CELF1: variants seen among roughly 807,000 people sequenced by gnomAD.
CELF1 encodes 50 kDa nuclear polyadenylated RNA-binding protein.
CELF1 carries 10 observed loss-of-function variants against 61.8 expected under a neutral mutation model. The observed-to-expected ratio is 0.16, with a 90% CI of 0.10 to 0.27. The LOEUF is 0.27. Among genes scored for constraint, CELF1 ranks in the 10% least tolerant of loss-of-function variants. CELF1 has a pLI of 1.00. For synonymous variants in CELF1, 236 were observed against 225.1 expected (o/e 1.05, Z -0.43); for missense variants, 380 against 639.1 (o/e 0.59, Z 4.37).
chr11:47,531,076 G>A (rs1288845655), intron 1 of CELF1, among the ~76,000 whole-genome samples: 4 of 151,764 alleles, frequency 2.6e-5, no homozygotes, highest in East Asian at 1.9e-4. Flanking sequence ...GCGAAACCCC[G>A]TCTCTACTAA....
At chr11:47,484,331 C>A (rs565062846) in intron 7 of CELF1, 58 bp downstream of exon 7, 151 of 1,493,476 alleles carry the variant, frequency 1.0e-4, no homozygotes, top group South Asian at 3.8e-4. Flanking sequence ...AAAAAAAAAA[C>A]CCCAAACCAA....
chr11:47,555,221 T>TA (rs2097202400), upstream of CELF1, among the ~76,000 whole-genome samples: 2 of 152,216 alleles, frequency 1.3e-5, no homozygotes, highest in Non-Finnish European at 2.9e-5. Flanking sequence ...GCCCATGAGC[T>TA]AAATAAGGAA....
chr11:47,519,181 T>C (rs1597733544), intron 1 of CELF1, among the ~76,000 whole-genome samples: 1 of 152,130 alleles, frequency 6.6e-6, no homozygotes, highest in African/African-American at 2.4e-5. Flanking sequence ...TTCTATTCTA[T>C]TCTATTATCA....
chr11:47,531,075 C>A (rs953038577), intron 1 of CELF1, among the ~76,000 whole-genome samples: 1 of 151,428 alleles, frequency 6.6e-6, no homozygotes, highest in Non-Finnish European at 1.5e-5. Flanking sequence ...GGCGAAACCC[C>A]GTCTCTACTA....
chr11:47,552,148 A>T (rs533207746), intron 1 of CELF1, among the ~76,000 whole-genome samples: 14 of 152,330 alleles, frequency 9.2e-5, no homozygotes, highest in African/African-American at 3.4e-4. Flanking sequence ...TAATAAACCT[A>T]CAGCTCTCTC....
Position 47,484,556 on chromosome 11 carries a change from T to TA in CELF1, c.392-34dup, listed in dbSNP as rs755811219. On this transcript the variant is annotated intron_variant, in intron 6 of 14. Transcript: ENST00000687097. ...AGTAAAACAGAAAAGACTTGAATAT[T>TA]ACTACTTAAAGAGGCAATGTGGCAC... 5 of 1,589,036 alleles carry TA rather than the reference T, an allele frequency of 3.1e-6. No individual in the cohort carries two copies. In the African/African-American group the frequency reaches 6.8e-5, roughly 22 times the overall value.
rs2077244902 is a variant in CELF1 at position 47,469,575 on chromosome 11, TCA to T, written c.*2653_*2654del. The T allele has an allele frequency of 6.6e-6, 1 of 152,346 alleles. No homozygotes were observed. The highest frequency in any genetic ancestry group is 2.4e-5 in the African/African-American group (1 of 41,464). The allele number at this position is 152,346 out of a possible 1,614,324, so 9.4% of individuals were successfully genotyped here. A position where few individuals can be genotyped will look rare whatever the true frequency, so the allele number is the denominator to read the frequency against. On this transcript the variant is annotated 3_prime_UTR_variant, in exon 15 of 15. Transcript: ENST00000687097. ...TGAGACTTGTAGGGGAGCAGCTTCT[TCA>T]CAAAACCATCTTTGGCCTGGGGAAA...
At chr11:47,482,982 T>C (rs1308855287) in intron 8 of CELF1, 126 bp from the exon 9 acceptor site, 5 of 857,800 alleles carry the variant, frequency 5.8e-6, no homozygotes, top group East Asian at 2.7e-5. Context: ...CTCCTCATGA[T>C]AGACACAAGA....
At chr11:47,476,655 T>C (rs1265618722) in intron 12 of CELF1, among the ~76,000 whole-genome samples, 191 bp downstream of exon 12, 2 of 152,198 alleles carry the variant, frequency 1.3e-5, no homozygotes, top group African/African-American at 2.4e-5. Context: ...CTCGATCTCC[T>C]GACCTCGTGA....
At position 47,473,131 on chromosome 11, in the gene CELF1, G is replaced by A. The variant is rs137985976; in HGVS notation, c.1374C>T (p.Ala458=). ...MFMPFGNVVS[A]KVFIDKQTNL... ...TTGTCTGCTTGTCTATGAAAACCTT[G>A]GCAGACACGACATTCCCAAAGGGCA... is the stretch of plus-strand genomic sequence containing the variant. Residue 458 remains alanine, a synonymous_variant, in exon 14 of 15, where the codon GCC becomes GCT. Transcript: ENST00000687097. The A allele has an allele frequency of 3.1e-6, 5 of 1,613,964 alleles. No individual in the cohort carries two copies. In the African/African-American group the frequency reaches 6.7e-5, roughly 22 times the overall value.
Position 47,475,542 on chromosome 11 carries a change from G to A in CELF1, c.1088-21C>T, listed in dbSNP as rs567789492. The A allele has an allele frequency of 5.0e-6, 8 of 1,612,298 alleles. No individual in the cohort carries two copies. In the African/African-American group the frequency reaches 1.1e-4, roughly 21 times the overall value. ...CATTCCTTGGTTGGAGGAAGAGAAG[G>A]ATTAATATACTAGAAAGACTAAACT... On this transcript the variant is annotated intron_variant, in intron 12 of 14. Coordinates refer to ENST00000687097, the MANE Select transcript of CELF1 (RefSeq NM_001376376.1).
chr11:47,553,265 G>A, upstream of CELF1: 1 of 378,932 alleles, frequency 2.6e-6, no homozygotes, highest in African/African-American at 2.1e-5. Context: ...GCGTAGGGGC[G>A]GGCCGAGCGC....
chr11:47,484,789 C>T (rs955676866), intron 6 of CELF1, among the ~76,000 whole-genome samples: 1 of 152,248 alleles, frequency 6.6e-6, no homozygotes, highest in African/African-American at 2.4e-5. Flanking sequence ...AGTGATTCTC[C>T]TGCCTCAGCC....
chr11:47,534,777 T>C (rs1316827662), intron 1 of CELF1, among the ~76,000 whole-genome samples: 1 of 152,096 alleles, frequency 6.6e-6, no homozygotes, highest in Non-Finnish European at 1.5e-5. Context: ...ATAAGTTCAA[T>C]CTCCAAGTAT....
chr11:47,562,785 A>C (rs2097230561), intron 2 of CELF1, among the ~76,000 whole-genome samples: 1 of 151,770 alleles, frequency 6.6e-6, no homozygotes, highest in Non-Finnish European at 1.5e-5. Flanking sequence ...GCTTATCACA[A>C]ACTCCGCCTC....
chr11:47,553,910 TTTGTTG>T (rs746699280), upstream of CELF1, among the ~76,000 whole-genome samples: 24 of 151,734 alleles, frequency 1.6e-4, no homozygotes, highest in Admixed American at 6.6e-4. Context: ...AGCAGTACAA[TTTGTTG>T]TTGTTGTTGT....
chr11:47,525,432 A>G (rs2096188136), intron 1 of CELF1, among the ~76,000 whole-genome samples: 1 of 152,212 alleles, frequency 6.6e-6, no homozygotes, highest in African/African-American at 2.4e-5. Flanking sequence ...AAATGATTCT[A>G]TTCTTCAGCC....
intron 4 of CELF1, among the ~76,000 whole-genome samples, chr11:47,488,181 T>C (rs916478896): frequency 1.3e-5 from 2 of 152,158 alleles, no homozygotes; most frequent in African/African-American, 4.8e-5. Context: ...ACTGGTAAAA[T>C]GGAAAATAAG....
intron 3 of CELF1, among the ~76,000 whole-genome samples, chr11:47,495,041 GC>G (rs2092802428): frequency 6.6e-6 from 1 of 152,144 alleles, no homozygotes; most frequent in Non-Finnish European, 1.5e-5. Flanking sequence ...ACGAGCCACT[GC>G]CCCCAGCTGC....
Sources: gnomAD v4.1 joint callset for allele counts (sites outside exome capture counted in the v4.1 genomes callset) on GRCh38, gnomAD v4.1.1 for gene constraint, MANE v1.5 for transcripts, NCBI Gene and HGNC (gene_info 2026-07-23, HGNC 2026-07-21) for gene names.